The following CSMD1 variants were observed in gnomAD, a reference collection of about 807,000 sequenced individuals.
The protein encoded by CSMD1 is CUB and sushi domain-containing protein 1.
Under a neutral mutation model 417.5 loss-of-function variants are expected in CSMD1, and 213 were observed. The ratio of observed to expected loss-of-function variants is 0.51; its 90% CI spans 0.46 to 0.57. The LOEUF is 0.57. Ranked by LOEUF, CSMD1 falls within the 20% of genes least tolerant of loss-of-function variation. CSMD1 has a pLI of 0.00. For missense variants in CSMD1, 6,923 were observed against 4,529.7 expected, an observed-to-expected ratio of 1.53 and a Z score of -15.17; for synonymous variants, 2,862 against 1,736.8, an observed-to-expected ratio of 1.65 and a Z score of -16.11.
At chr8:4,137,196 C>T (rs1353931773) in intron 3 of CSMD1, among the ~76,000 whole-genome samples, 1 of 152,188 alleles carries the variant, frequency 6.6e-6, no homozygotes, top group Non-Finnish European at 1.5e-5. Flanking sequence ...TTAGCCTCAT[C>T]TTGCCTGGAA....
intron 1 of CSMD1, among the ~76,000 whole-genome samples, chr8:4,792,445 C>A (rs1797743224): frequency 6.6e-6 from 1 of 152,180 alleles, no homozygotes; most frequent in Non-Finnish European, 1.5e-5. Flanking sequence ...ATCAGTCTAT[C>A]TTTGAACTCA....
chr8:4,434,179 A>C (rs1200866361), intron 2 of CSMD1, among the ~76,000 whole-genome samples: 6 of 152,138 alleles, frequency 3.9e-5, no homozygotes, highest in Admixed American at 6.6e-5. Flanking sequence ...CTCTACTAAA[A>C]ATACAGAAAT....
chr8:3,808,201 A>G (rs1487964853), intron 5 of CSMD1, among the ~76,000 whole-genome samples: 1 of 152,224 alleles, frequency 6.6e-6, no homozygotes, highest in Non-Finnish European at 1.5e-5. Context: ...TTGCAAAAAC[A>G]TCTGTGATCT....
intron 12 of CSMD1, among the ~76,000 whole-genome samples, chr8:3,416,722 C>T (rs946804525): frequency 6.6e-6 from 1 of 152,170 alleles, no homozygotes; most frequent in Non-Finnish European, 1.5e-5. Context: ...TCAGGCAAGG[C>T]AGCACTGTAC....
At chr8:4,629,954 G>T (rs377702790) in intron 2 of CSMD1, among the ~76,000 whole-genome samples, 1 of 151,940 alleles carries the variant, frequency 6.6e-6, no homozygotes, top group African/African-American at 2.4e-5. Flanking sequence ...CTAGCCAACC[G>T]CAATATTTGA....
chr8:2,957,248 T>C (rs1345235721), intron 63 of CSMD1, among the ~76,000 whole-genome samples: 2 of 152,206 alleles, frequency 1.3e-5, no homozygotes, highest in Non-Finnish European at 2.9e-5. Flanking sequence ...CTCTGACATA[T>C]GACGTTATTC....
chr8:2,966,723 T>G lies in CSMD1; in HGVS notation c.8947A>C (p.Thr2983Pro). 1 of 1,613,596 alleles carries G rather than the reference T, an allele frequency of 6.2e-7. No homozygotes were observed. ...CEAVSCGNPG[T>P]PTNGMIVSSD... Reference sequence around the variant, plus strand: ...CTGACAATCATTCCGTTGGTGGGTGTGCCAGGGTTGCCACAGGACACGGCT... The same window carrying G: ...CTGACAATCATTCCGTTGGTGGGTGGGCCAGGGTTGCCACAGGACACGGCT... The change falls in exon 58 of 70, where the codon ACA becomes CCA. Residue 2983 changes from threonine (T) to proline (P), a missense_variant. By Grantham distance (38) the Thr-to-Pro change is conservative. Coordinates refer to ENST00000635120, the MANE Select transcript of CSMD1 (RefSeq NM_033225.6).
At chr8:4,921,167 G>T (rs1016116299) in intron 1 of CSMD1, among the ~76,000 whole-genome samples, 4 of 151,998 alleles carry the variant, frequency 2.6e-5, no homozygotes, top group Non-Finnish European at 4.4e-5. Context: ...TTATGATGGT[G>T]ATTTAGGGTC....
At chr8:4,213,395 C>G (rs975000152) in intron 3 of CSMD1, among the ~76,000 whole-genome samples, 4 of 152,246 alleles carry the variant, frequency 2.6e-5, no homozygotes, top group Admixed American at 1.3e-4. Flanking sequence ...ATGCTTCAAT[C>G]CATCCTAATC....
chr8:4,663,518 C>G (rs563097192), intron 1 of CSMD1, among the ~76,000 whole-genome samples: 3 of 152,192 alleles, frequency 2.0e-5, no homozygotes, highest in East Asian at 3.9e-4. Flanking sequence ...TTGCTGTTGT[C>G]CTGATAGTGC....
intron 1 of CSMD1, among the ~76,000 whole-genome samples, chr8:4,680,556 TA>T (rs1805974326): frequency 6.6e-6 from 1 of 152,058 alleles, no homozygotes; most frequent in Non-Finnish European, 1.5e-5. Flanking sequence ...GCCAGCTTGA[TA>T]GGGGGCCACC....
chr8:2,957,638 C>A, intron 63 of CSMD1, 58 bp downstream of exon 63: 1 of 1,108,132 alleles, frequency 9.0e-7, no homozygotes. Context: ...GTAAACACGT[C>A]TCAGACATTC....
chr8:3,064,060 T>A (rs1423408366), intron 49 of CSMD1, among the ~76,000 whole-genome samples: 1 of 152,216 alleles, frequency 6.6e-6, no homozygotes, highest in East Asian at 1.9e-4. Context: ...TACTTTTCAA[T>A]TTTCATTCTC....
At chr8:4,363,900 A>C (rs1204324648) in intron 3 of CSMD1, among the ~76,000 whole-genome samples, 1 of 151,956 alleles carries the variant, frequency 6.6e-6, no homozygotes, top group East Asian at 1.9e-4. Flanking sequence ...ACCAGAGTCT[A>C]GAAAGGGTGT....
intron 5 of CSMD1, among the ~76,000 whole-genome samples, chr8:3,777,304 T>G (rs1327079907): frequency 6.6e-6 from 1 of 152,100 alleles, no homozygotes; most frequent in Non-Finnish European, 1.5e-5. Context: ...TAAATATTTG[T>G]TGGACAAATG....
At chr8:4,259,503 C>T (rs532940633) in intron 3 of CSMD1, among the ~76,000 whole-genome samples, 2 of 150,072 alleles carry the variant, frequency 1.3e-5, no homozygotes, top group Admixed American at 6.8e-5. Flanking sequence ...AGTTTATGGC[C>T]CATCCTTCAA....
intron 26 of CSMD1, among the ~76,000 whole-genome samples, chr8:3,273,794 T>C (rs1045278417): frequency 2.0e-5 from 3 of 152,086 alleles, no homozygotes; most frequent in Non-Finnish European, 4.4e-5. Flanking sequence ...TTTATCATTT[T>C]TATTGTATCT....
chr8:4,595,859 T>C (rs1563319812), intron 2 of CSMD1, among the ~76,000 whole-genome samples: 1 of 152,216 alleles, frequency 6.6e-6, no homozygotes, highest in Non-Finnish European at 1.5e-5. Context: ...TCTACATGGA[T>C]CTTCCATTCC....
At chr8:3,652,124 AGAG>A (rs1797888333) in intron 7 of CSMD1, among the ~76,000 whole-genome samples, 3 of 105,140 alleles carry the variant, frequency 2.9e-5, no homozygotes, top group Non-Finnish European at 6.4e-5. Flanking sequence ...GCTTACCATC[AGAG>A]CGCTTACCAC....
Sources: gnomAD v4.1 joint callset for allele counts (sites outside exome capture counted in the v4.1 genomes callset) on GRCh38, gnomAD v4.1.1 for gene constraint, MANE v1.5 for transcripts, NCBI Gene and HGNC (gene_info 2026-07-23, HGNC 2026-07-21) for gene names.